The following DSCAM variants were observed in gnomAD, a reference collection of about 807,000 sequenced individuals.
The protein encoded by DSCAM is DS cell adhesion molecule.
Under a neutral mutation model 217.7 loss-of-function variants are expected in DSCAM, and 47 were observed. The observed-to-expected ratio is 0.22, with a 90% CI of 0.17 to 0.28. The LOEUF (loss-of-function observed/expected upper bound fraction) is 0.28. DSCAM is among the 10% of genes least tolerant of loss of function. The pLI is 1.00. For missense variants in DSCAM, 2,080 were observed against 2,618.3 expected (o/e 0.79, Z 4.49); for synonymous variants, 1,056 against 1,015.3 (o/e 1.04, Z -0.76).
chr21:40,431,827 G>A (rs895307413), intron 3 of DSCAM, among the ~76,000 whole-genome samples: 14 of 152,278 alleles, frequency 9.2e-5, no homozygotes, highest in Admixed American at 2.0e-4. Flanking sequence ...AGAGTCAACC[G>A]TACTAGTTTC....
intron 3 of DSCAM, among the ~76,000 whole-genome samples, chr21:40,426,204 G>A (rs2075473527): frequency 6.6e-6 from 1 of 152,196 alleles, no homozygotes; most frequent in Admixed American, 6.5e-5. Context: ...TAAGCAGGAG[G>A]CAGACTTCCT....
At chr21:40,174,888 T>C (rs1364316984) in intron 15 of DSCAM, among the ~76,000 whole-genome samples, 1 of 152,208 alleles carries the variant, frequency 6.6e-6, no homozygotes, top group African/African-American at 2.4e-5. Context: ...TCCATCAGGA[T>C]GCGGGGAGGG....
chr21:40,181,673 C>A (rs905367272), intron 14 of DSCAM, among the ~76,000 whole-genome samples: 1 of 151,470 alleles, frequency 6.6e-6, no homozygotes, highest in Non-Finnish European at 1.5e-5. Flanking sequence ...TTTGATATTT[C>A]CGGGCACCTG....
chr21:40,731,901 A>G (rs974634529), intron 1 of DSCAM, among the ~76,000 whole-genome samples: 1 of 151,932 alleles, frequency 6.6e-6, no homozygotes, highest in East Asian at 1.9e-4. Context: ...AATTTTTTGT[A>G]TTTTTAGTAG....
rs1382752527 is a variant in DSCAM, at chr21:40,376,568, T to TAGATATCTATATCTATATATCTTATATAG, written c.509-7324_509-7323insCTATATAAGATATATAGATATAGATATCT. On this transcript the variant is annotated intron_variant, in intron 3 of 32. Transcript: ENST00000400454. ...ATCTTATATCGATATCTATATATCT[T>TAGATATCTATATCTATATATCTTATATAG]ATATCGATATCTATATATCTTATAT... Among the ~76,000 whole-genome samples the TAGATATCTATATCTATATATCTTATATAG allele has an allele frequency of 8.3e-5, 4 of 48,314 alleles. 2 individuals carry two copies. Among genetic ancestry groups the TAGATATCTATATCTATATATCTTATATAG allele is most frequent in the African/African-American group, 4.2e-4 (4 of 9,606 alleles). The allele number at this position is 48,314 out of a possible 152,430, so 31.7% of individuals were successfully genotyped here.
At chr21:40,417,667 C>A (rs1330718139) in intron 3 of DSCAM, among the ~76,000 whole-genome samples, 1 of 151,874 alleles carries the variant, frequency 6.6e-6, no homozygotes, top group Non-Finnish European at 1.5e-5. Flanking sequence ...CAGATATTTC[C>A]GGTCTGGTTC....
intron 4 of DSCAM, among the ~76,000 whole-genome samples, chr21:40,368,713 A>G (rs1189090687): frequency 6.6e-6 from 1 of 152,180 alleles, no homozygotes; most frequent in Non-Finnish European, 1.5e-5. Flanking sequence ...TATTTACCAC[A>G]GGGGGGCAAT....
At chr21:40,647,162 C>T (rs2089957775) in intron 3 of DSCAM, among the ~76,000 whole-genome samples, 1 of 152,156 alleles carries the variant, frequency 6.6e-6, no homozygotes, top group African/African-American at 2.4e-5. Context: ...GTTCAGAAGA[C>T]CAGCATTCAC....
intron 3 of DSCAM, among the ~76,000 whole-genome samples, chr21:40,539,049 G>A (rs76074041): frequency 0.014 from 2,163 of 152,146 alleles, 62 homozygotes; most frequent in African/African-American, 0.049. Context: ...ATGGAACCTC[G>A]CTGACCACAG....
intron 1 of DSCAM, among the ~76,000 whole-genome samples, chr21:40,754,330 A>G (rs1447151149): frequency 1.3e-5 from 2 of 152,210 alleles, no homozygotes; most frequent in Admixed American, 6.5e-5. Flanking sequence ...AAATGTGTCT[A>G]CCTTCAGAAT....
intron 32 of DSCAM, among the ~76,000 whole-genome samples, chr21:40,027,535 T>C (rs2088416499): frequency 7.9e-6 from 1 of 126,072 alleles, no homozygotes; most frequent in African/African-American, 3.1e-5. Flanking sequence ...AGATTTGGTC[T>C]TTTCACATAG....
intron 3 of DSCAM, among the ~76,000 whole-genome samples, chr21:40,487,751 C>T (rs1013574724): frequency 6.6e-6 from 1 of 152,062 alleles, no homozygotes; most frequent in South Asian, 2.1e-4. Context: ...CTAGAGAGAA[C>T]CTATGAAGCT....
At chr21:40,103,031 A>G (rs1332788169) in intron 20 of DSCAM, among the ~76,000 whole-genome samples, 1 of 152,228 alleles carries the variant, frequency 6.6e-6, no homozygotes, top group Non-Finnish European at 1.5e-5. Flanking sequence ...TAACTGGAAT[A>G]CACTGAAGAA....
chr21:40,554,282 G>C (rs1010379508), intron 3 of DSCAM, among the ~76,000 whole-genome samples: 2 of 150,888 alleles, frequency 1.3e-5, no homozygotes, highest in African/African-American at 4.9e-5. Context: ...AATAAAATTA[G>C]ACTGCTTCTG....
At chr21:40,060,828 CTTT>C (rs999828173) in intron 28 of DSCAM, among the ~76,000 whole-genome samples, 1 of 152,182 alleles carries the variant, frequency 6.6e-6, no homozygotes, top group Non-Finnish European at 1.5e-5. Flanking sequence ...ACTCTGACTT[CTTT>C]GTTTTCCAGC....
chr21:40,452,296 C>T (rs550273458), intron 3 of DSCAM, among the ~76,000 whole-genome samples: 2 of 147,762 alleles, frequency 1.4e-5, no homozygotes, highest in South Asian at 4.3e-4. Flanking sequence ...CTGGAAAATA[C>T]TCTGTAAATG....
intron 1 of DSCAM, among the ~76,000 whole-genome samples, chr21:40,782,712 A>T (rs1390594033): frequency 6.6e-6 from 1 of 152,182 alleles, no homozygotes; most frequent in Non-Finnish European, 1.5e-5. Flanking sequence ...CCTGGTCCAT[A>T]GAGTGAGACC....
chr21:40,492,688 A>AAAAG (rs10650801), intron 3 of DSCAM, among the ~76,000 whole-genome samples: 103,545 of 151,008 alleles, frequency 0.69, 37,015 homozygotes, highest in African/African-American at 0.91. Context: ...AGAACAGAAA[A>AAAAG]AAAGAAAGAA....
chr21:40,153,057 T>A (rs1422822461), intron 16 of DSCAM, among the ~76,000 whole-genome samples: 1 of 152,240 alleles, frequency 6.6e-6, no homozygotes, highest in Non-Finnish European at 1.5e-5. Flanking sequence ...CAAATCCACT[T>A]AAAATGTAAT....
Sources: allele counts gnomAD v4.1 joint callset (sites outside exome capture counted in the v4.1 genomes callset), GRCh38; gene constraint gnomAD v4.1.1; transcripts MANE v1.5; gene names NCBI Gene and HGNC (gene_info 2026-07-23, HGNC 2026-07-21).